Variants in PDZD2 observed in about 807,000 individuals in gnomAD.
The protein encoded by PDZD2 is PDZ domain-containing protein 2.
PDZD2 carries 90 observed loss-of-function variants against 220.7 expected under a neutral mutation model. The ratio of observed to expected loss-of-function variants is 0.41; its 90% CI spans 0.34 to 0.49. The LOEUF is 0.49. Among genes scored for constraint, PDZD2 ranks in the 20% least tolerant of loss-of-function variants. PDZD2 has a pLI of 0.28. For synonymous variants in PDZD2, 1,375 were observed against 1,450.5 expected, an observed-to-expected ratio of 0.95 and a Z score of 1.18; for missense variants, 3,174 against 3,608.5, an observed-to-expected ratio of 0.88 and a Z score of 3.08.
At chr5:31,830,204 C>T (rs1201517748) in intron 2 of PDZD2, among the ~76,000 whole-genome samples, 4 of 150,612 alleles carry the variant, frequency 2.7e-5, no homozygotes, top group East Asian at 2.0e-4. Context: ...TTCGCTCTGC[C>T]GCCCAGGCTG....
At chr5:31,952,451 A>G (rs1747264737) in intron 2 of PDZD2, among the ~76,000 whole-genome samples, 1 of 152,228 alleles carries the variant, frequency 6.6e-6, no homozygotes, top group South Asian at 2.1e-4. Context: ...TGTACTTTAA[A>G]GATTCAAAAG....
At chr5:31,784,886 G>T (rs992731460) in intron 1 of PDZD2, among the ~76,000 whole-genome samples, 1 of 151,856 alleles carries the variant, frequency 6.6e-6, no homozygotes, top group African/African-American at 2.4e-5. Flanking sequence ...CAGCTTGGGC[G>T]ACACAGCGAG....
intron 2 of PDZD2, among the ~76,000 whole-genome samples, chr5:31,919,727 A>AG: frequency 1.8e-5 from 1 of 55,140 alleles, no homozygotes; most frequent in Non-Finnish European, 4.0e-5. Flanking sequence ...AGGAAAAAAA[A>AG]AAAGGCCAGG....
At chr5:31,691,788 G>A (rs955184931) in intron 1 of PDZD2, among the ~76,000 whole-genome samples, 2 of 152,256 alleles carry the variant, frequency 1.3e-5, no homozygotes, top group Non-Finnish European at 2.9e-5. Flanking sequence ...AGGGAATGTG[G>A]ATTGGTGCAT....
intron 6 of PDZD2, among the ~76,000 whole-genome samples, chr5:32,013,533 A>G (rs780670030): frequency 6.6e-6 from 1 of 152,126 alleles, no homozygotes; most frequent in Non-Finnish European, 1.5e-5. Context: ...GGGAATGTCA[A>G]TGCATTTTGT....
At chr5:31,803,931 C>G (rs1016614638) in intron 2 of PDZD2, among the ~76,000 whole-genome samples, 5 of 151,388 alleles carry the variant, frequency 3.3e-5, no homozygotes, top group African/African-American at 1.2e-4. Context: ...CCCAGCTACT[C>G]GAGAGGCTGA....
chr5:31,952,174 G>A (rs1471286142), intron 2 of PDZD2, among the ~76,000 whole-genome samples: 1 of 152,160 alleles, frequency 6.6e-6, no homozygotes, highest in Non-Finnish European at 1.5e-5. Context: ...GTTTAAAGTT[G>A]GACTTGTTCC....
intron 2 of PDZD2, among the ~76,000 whole-genome samples, chr5:31,845,681 AGCT>A (rs1757545213): frequency 6.6e-6 from 1 of 152,232 alleles, no homozygotes; most frequent in African/African-American, 2.4e-5. Flanking sequence ...TCTCAGATCC[AGCT>A]CCTCTACTTA....
intron 3 of PDZD2, among the ~76,000 whole-genome samples, chr5:31,989,553 G>C (rs1751045593): frequency 6.6e-6 from 1 of 151,048 alleles, no homozygotes; most frequent in African/African-American, 2.4e-5. Context: ...CTCCCAAATA[G>C]CTGGGACTAT....
intron 1 of PDZD2, among the ~76,000 whole-genome samples, chr5:31,661,050 T>G (rs1256667901): frequency 6.6e-6 from 1 of 152,218 alleles, no homozygotes; most frequent in Non-Finnish European, 1.5e-5. Context: ...AAGTAATTCT[T>G]GTATCCAAGT....
chr5:31,760,028 G>C (rs528217139), intron 1 of PDZD2, among the ~76,000 whole-genome samples: 1 of 152,328 alleles, frequency 6.6e-6, no homozygotes, highest in African/African-American at 2.4e-5. Flanking sequence ...GCTCAGGGGT[G>C]CAGCTTCAGG....
rs374787609 is a variant in PDZD2, at chr5:32,089,848, C to T, written c.6400C>T (p.Arg2134Cys). ...GGAGAAGAGTGAAATCAGGCTCTAT[C>T]GCCAGGTCGCAGAATCATCCACAAG... ...CQEKSEIRLY[R>C]QVAESSTSHP... The change falls in exon 20 of 25, where the codon CGC (arginine) becomes TGC (cysteine). Residue 2134 changes from arginine (R) to cysteine (C), a missense_variant. Coordinates refer to ENST00000438447, the MANE Select transcript of PDZD2 (RefSeq NM_178140.4). The T allele has an allele frequency of 4.3e-6, 7 of 1,613,280 alleles. No individual in the cohort carries two copies. The East Asian group carries it at 1.1e-4, about 26-fold the overall frequency.
rs557370104 is a variant in PDZD2, at chr5:31,766,119, G to T, written c.-360-32770G>T. On this transcript the variant is annotated intron_variant, in intron 1 of 24. Transcript: ENST00000438447. ...TACCTGAGCCCAGGAGGCTGAGGCT[G>T]CAGTGAGCAGTGATCAGGGTATTGC... Among the ~76,000 whole-genome samples, 533 of 152,306 alleles carry T rather than the reference G, an allele frequency of 3.5e-3. 2 individuals are homozygous for T. Among genetic ancestry groups the T allele is most frequent in the Non-Finnish European group, 4.3e-3 (293 of 68,020 alleles).
chr5:31,762,741 A>G (rs1751731224), intron 1 of PDZD2, among the ~76,000 whole-genome samples: 1 of 152,230 alleles, frequency 6.6e-6, no homozygotes, highest in Non-Finnish European at 1.5e-5. Flanking sequence ...ATAATTGGCC[A>G]TAAATCAAAG....
At chr5:31,953,115 C>A (rs1415346354) in intron 2 of PDZD2, among the ~76,000 whole-genome samples, 2 of 148,988 alleles carry the variant, frequency 1.3e-5, no homozygotes, top group African/African-American at 4.9e-5. Flanking sequence ...TCTCACCAGA[C>A]AGCAAACTGT....
intron 15 of PDZD2, among the ~76,000 whole-genome samples, chr5:32,070,752 T>G (rs905599434): frequency 2.0e-5 from 3 of 152,194 alleles, no homozygotes; most frequent in African/African-American, 7.2e-5. Flanking sequence ...TCCCGGCACT[T>G]TGGGAGGCCA....
intron 3 of PDZD2, among the ~76,000 whole-genome samples, chr5:31,984,408 A>C (rs1750548138): frequency 6.6e-6 from 1 of 152,204 alleles, no homozygotes; most frequent in Non-Finnish European, 1.5e-5. Context: ...GTTCATTCCA[A>C]GAATCTTCTT....
chr5:31,902,439 C>CT (rs1742184992), intron 2 of PDZD2, among the ~76,000 whole-genome samples: 2 of 148,892 alleles, frequency 1.3e-5, no homozygotes, highest in South Asian at 4.3e-4. Flanking sequence ...GTTGGATTGT[C>CT]TGCTTATTAT....
intron 6 of PDZD2, among the ~76,000 whole-genome samples, chr5:32,017,439 C>CAAA (rs11289719): frequency 6.3e-5 from 8 of 126,946 alleles, no homozygotes; most frequent in Admixed American, 3.2e-4. Context: ...GACCCTGTCT[C>CAAA]AAAAAAAAAA....
Sources: gnomAD v4.1 joint callset for allele counts (sites outside exome capture counted in the v4.1 genomes callset) on GRCh38, gnomAD v4.1.1 for gene constraint, MANE v1.5 for transcripts, NCBI Gene and HGNC (gene_info 2026-07-23, HGNC 2026-07-21) for gene names.